Variants in TRIM4 observed in about 807,000 individuals in gnomAD.
TRIM4 encodes the protein E3 ubiquitin-protein ligase TRIM4.
A neutral mutation model predicts 33.7 loss-of-function variants in TRIM4; 29 were observed. The observed-to-expected ratio is 0.86, with a 90% CI of 0.64 to 1.17. The LOEUF (loss-of-function observed/expected upper bound fraction) is 1.17, where lower values mean the gene tolerates loss of function less well. TRIM4 is among the 50% of genes most tolerant of loss of function. TRIM4 has a pLI of 0.00. For missense variants in TRIM4, 554 were observed against 593.7 expected, an observed-to-expected ratio of 0.93 and a Z score of 0.69; for synonymous variants, 224 against 233.0, an observed-to-expected ratio of 0.96 and a Z score of 0.35.
chr7:99,894,089 C>T (rs1818958037), intron 5 of TRIM4, among the ~76,000 whole-genome samples: 1 of 151,664 alleles, frequency 6.6e-6, no homozygotes, highest in Admixed American at 6.6e-5. Flanking sequence ...TTTTTGTATA[C>T]CAAAGGATAT....
chr7:99,905,661 G>A (rs1819285359), intron 3 of TRIM4, among the ~76,000 whole-genome samples: 1 of 152,128 alleles, frequency 6.6e-6, no homozygotes, highest in Non-Finnish European at 1.5e-5. Flanking sequence ...CCCTCCAGTT[G>A]TGACAACCAA....
At chr7:99,906,257 T>C (rs1819302540) in intron 3 of TRIM4, among the ~76,000 whole-genome samples, 1 of 152,188 alleles carries the variant, frequency 6.6e-6, no homozygotes, top group Admixed American at 6.5e-5. Flanking sequence ...TAGGATGCTA[T>C]GTGTGTTCTA....
chr7:99,903,327 G>C lies in TRIM4; in HGVS notation c.744-12C>G. On this transcript the variant is annotated splice_polypyrimidine_tract_variant and intron_variant, in intron 4 of 5. Coordinates refer to ENST00000349062, the MANE Select transcript of TRIM4 (RefSeq NM_033091.3). ...CCTGGATCTCACTCCTAAGAAGGTA[G>C]AGAAGACTGCTCTTAGGGGACAACT... The C allele has an allele frequency of 1.9e-6, 3 of 1,592,482 alleles. No homozygotes were observed. Among genetic ancestry groups the C allele is most frequent in the Non-Finnish European group, 2.6e-6 (3 of 1,163,548 alleles).
chr7:99,914,010 C>T (rs1819499430), intron 1 of TRIM4, among the ~76,000 whole-genome samples: 1 of 152,186 alleles, frequency 6.6e-6, no homozygotes, highest in South Asian at 2.1e-4. Flanking sequence ...CTATGAATTT[C>T]AGTCACTGTA....
At position 99,919,437 on chromosome 7, in the gene TRIM4, A is replaced by T; in HGVS notation, c.-36T>A. On this transcript the variant is annotated 5_prime_UTR_variant, in exon 1 of 6. Transcript: ENST00000349062. ...TGCCGCGGAGACGGAGTCCGACGTGAGGCGCGGGAGAGGCCAGCAAGCTGC... is the reference window on the plus strand; with the variant it reads ...TGCCGCGGAGACGGAGTCCGACGTGTGGCGCGGGAGAGGCCAGCAAGCTGC... The T allele has an allele frequency of 6.7e-7, 1 of 1,485,966 alleles. No individual in the cohort carries two copies. The highest frequency in any genetic ancestry group is 8.9e-7 in the Non-Finnish European group (1 of 1,118,218). The allele number at this position is 1,485,966 out of a possible 1,614,324, so 92.0% of individuals were successfully genotyped here. A position where few individuals can be genotyped will look rare whatever the true frequency, so the allele number is the denominator to read the frequency against.
At position 99,890,711 on chromosome 7, in the gene TRIM4, G is replaced by A. The variant is rs558294449; in HGVS notation, c.*1452C>T. Reference sequence around the variant, plus strand: ...AAAAAAGGGAACAACAGACACCAGGGACTACTTGAGGGTAGAGGGTGGAGG... The same window carrying A: ...AAAAAAGGGAACAACAGACACCAGGAACTACTTGAGGGTAGAGGGTGGAGG... On this transcript the variant is annotated 3_prime_UTR_variant, in exon 6 of 6. Coordinates refer to ENST00000349062, the MANE Select transcript of TRIM4 (RefSeq NM_033091.3). 1.3e-5 allele frequency: 2 copies of A among 152,220 alleles called. No individual in the cohort carries two copies. Among genetic ancestry groups the A allele is most frequent in the East Asian group, 1.9e-4 (1 of 5,184 alleles). The allele number at this position is 152,220 out of a possible 1,614,324, so 9.4% of individuals were successfully genotyped here.
At position 99,918,605 on chromosome 7, in the gene TRIM4, C is replaced by T. The variant is rs188964843; in HGVS notation, c.393+404G>A. On this transcript the variant is annotated intron_variant, in intron 1 of 5. Transcript: ENST00000349062. ...ATCTCATTGATAATTTTCATCTCAGCTTTGAATATTTGGGGTAATCAGATT... is the reference window on the plus strand; with the variant it reads ...ATCTCATTGATAATTTTCATCTCAGTTTTGAATATTTGGGGTAATCAGATT... Among the ~76,000 whole-genome samples the T allele has an allele frequency of 7.2e-5, 11 of 152,116 alleles. No individual in the cohort carries two copies. In the East Asian group the frequency reaches 1.9e-3, roughly 27 times the overall value.
chr7:99,896,901 G>A (rs1819028216), intron 5 of TRIM4, among the ~76,000 whole-genome samples: 1 of 152,242 alleles, frequency 6.6e-6, no homozygotes, highest in Admixed American at 6.5e-5. Flanking sequence ...GGCCAGTCCT[G>A]ACTGTGCTTA....
chr7:99,919,276 CG>C lies in TRIM4; in HGVS notation c.125del (p.Pro42ArgfsTer29), dbSNP rs1342874287. The C allele has an allele frequency of 6.5e-7, 1 of 1,547,316 alleles. No individual in the cohort carries two copies. The highest frequency in any genetic ancestry group is 2.0e-5 in the Admixed American group (1 of 50,928). On this transcript the variant is annotated frameshift_variant, in exon 1 of 6. Transcript: ENST00000349062. LOFTEE classifies it high-confidence loss of function. Reference sequence around the variant, plus strand: ...CGGGGCAGGGGAACGGGCCGCCGCCCGGCGCCCAGTTGCGGTGCAGGCAGCC... The same window carrying C: ...CGGGGCAGGGGAACGGGCCGCCGCCCGCGCCCAGTTGCGGTGCAGGCAGCC... ...CRGCLHRNWA[P>X]GGGPFPCPEC...
At chr7:99,913,670 C>CAAATAAAT (rs57799977) in intron 1 of TRIM4, among the ~76,000 whole-genome samples, 1,820 of 148,642 alleles carry the variant, frequency 0.012, 25 homozygotes, top group African/African-American at 0.03. Context: ...GACTCCATCT[C>CAAATAAAT]AAATAAATAA....
Position 99,919,416 on chromosome 7 carries a change from G to A in TRIM4, c.-15C>T. On this transcript the variant is annotated 5_prime_UTR_variant, in exon 1 of 6. Coordinates refer to ENST00000349062, the MANE Select transcript of TRIM4 (RefSeq NM_033091.3). ...TCAGCTTCCATGCTGCTTCCCTGCC[G>A]CGGAGACGGAGTCCGACGTGAGGCG... 6.6e-7 allele frequency: 1 copy of A among 1,520,844 alleles called. No homozygotes were observed. Among genetic ancestry groups the A allele is most frequent in the African/African-American group, 1.4e-5 (1 of 69,732 alleles). The allele number at this position is 1,520,844 out of a possible 1,614,324, so 94.2% of individuals were successfully genotyped here.
chr7:99,913,171 C>G (rs1469017252), intron 1 of TRIM4, among the ~76,000 whole-genome samples: 10 of 152,120 alleles, frequency 6.6e-5, no homozygotes, highest in Non-Finnish European at 5.9e-5. Flanking sequence ...CATGAATTCT[C>G]TCATATGGTT....
intron 5 of TRIM4, among the ~76,000 whole-genome samples, chr7:99,900,849 CT>C (rs1819148409): frequency 6.6e-6 from 1 of 152,150 alleles, no homozygotes; most frequent in Admixed American, 6.5e-5. Flanking sequence ...ATCCTCTCCC[CT>C]GGTTGCATTT....
intron 1 of TRIM4, among the ~76,000 whole-genome samples, chr7:99,911,987 CA>C: frequency 6.6e-6 from 1 of 152,132 alleles, no homozygotes; most frequent in Non-Finnish European, 1.5e-5. Context: ...ATATGCTGAG[CA>C]AAAGGATCCA....
At chr7:99,912,232 C>T (rs138275683) in intron 1 of TRIM4, among the ~76,000 whole-genome samples, 13 of 152,216 alleles carry the variant, frequency 8.5e-5, no homozygotes, top group East Asian at 3.9e-4. Flanking sequence ...TTAAATTTTA[C>T]CTCAAAAAAT....
intron 3 of TRIM4, among the ~76,000 whole-genome samples, chr7:99,904,341 C>G (rs1224697609): frequency 6.6e-6 from 1 of 152,126 alleles, no homozygotes; most frequent in Admixed American, 6.5e-5. Flanking sequence ...CTACAAAATA[C>G]CTGACCAACA....
chr7:99,902,081 G>C (rs756984489), intron 5 of TRIM4: 1 of 764,574 alleles, frequency 1.3e-6, no homozygotes, highest in South Asian at 1.3e-5. Context: ...CATTTCTCAG[G>C]AATCACCGTC....
chr7:99,916,555 A>C (rs1819559254), intron 1 of TRIM4: 6 of 670,744 alleles, frequency 8.9e-6, no homozygotes, highest in Non-Finnish European at 1.4e-5. Flanking sequence ...TGCCATCTGA[A>C]GCAGAAATCT....
intron 5 of TRIM4, chr7:99,902,313 T>C: frequency 1.6e-6 from 1 of 643,866 alleles, no homozygotes; most frequent in South Asian, 1.8e-5. Context: ...GTGGATACAA[T>C]CTCAGCTCAC....
Sources: allele counts gnomAD v4.1 joint callset (sites outside exome capture counted in the v4.1 genomes callset), GRCh38; gene constraint gnomAD v4.1.1; transcripts MANE v1.5; gene names NCBI Gene and HGNC (gene_info 2026-07-23, HGNC 2026-07-21).